The following ARHGAP10 variants were observed in gnomAD, a reference collection of about 807,000 sequenced individuals.
ARHGAP10 encodes Rho GTPase activating protein 10, also known as rho GTPase-activating protein 10.
ARHGAP10 carries 87 observed loss-of-function variants against 108.6 expected under a neutral mutation model. The observed-to-expected ratio is 0.80, with a 90% CI of 0.67 to 0.96. The LOEUF is 0.96. Ranked by LOEUF, ARHGAP10 falls within the 40% of genes least tolerant of loss-of-function variation. The pLI, the probability that ARHGAP10 is intolerant of heterozygous loss-of-function variation, is 0.00. For missense variants in ARHGAP10, 939 were observed against 954.5 expected (o/e 0.98, Z 0.21); for synonymous variants, 347 against 341.1 (o/e 1.02, Z -0.19).
intron 1 of ARHGAP10, among the ~76,000 whole-genome samples, chr4:147,813,553 C>G (rs17475814): frequency 0.05 from 7,632 of 152,280 alleles, 260 homozygotes; most frequent in Non-Finnish European, 0.081. Flanking sequence ...ACAGGCCTGC[C>G]AGGCAGTGAC....
chr4:147,840,379 C>T (rs1371253527), intron 3 of ARHGAP10, among the ~76,000 whole-genome samples: 1 of 152,088 alleles, frequency 6.6e-6, no homozygotes, highest in African/African-American at 2.4e-5. Flanking sequence ...ACTAAATGTT[C>T]TCTTCCTCCC....
chr4:147,970,150 C>T (rs981177058), intron 18 of ARHGAP10, among the ~76,000 whole-genome samples: 1 of 152,178 alleles, frequency 6.6e-6, no homozygotes, highest in Non-Finnish European at 1.5e-5. Context: ...ACTGCAGAGT[C>T]CAGGCTCTGC....
chr4:147,801,073 T>A (rs902853450), intron 1 of ARHGAP10, among the ~76,000 whole-genome samples: 1 of 152,264 alleles, frequency 6.6e-6, no homozygotes. Context: ...TTGAAAGTGC[T>A]GAGATAACAG....
chr4:147,763,155 A>C (rs1729656556), intron 1 of ARHGAP10, among the ~76,000 whole-genome samples: 1 of 152,182 alleles, frequency 6.6e-6, no homozygotes, highest in African/African-American at 2.4e-5. Context: ...TGAGAAACTT[A>C]AATACTAATG....
intron 1 of ARHGAP10, among the ~76,000 whole-genome samples, chr4:147,758,826 A>C (rs2126702273): frequency 6.6e-6 from 1 of 152,074 alleles, no homozygotes; most frequent in South Asian, 2.1e-4. Context: ...TAAAAATACA[A>C]AAATTAGTTG....
intron 3 of ARHGAP10, among the ~76,000 whole-genome samples, chr4:147,840,270 T>G (rs979546066): frequency 5.9e-5 from 9 of 152,090 alleles, no homozygotes; most frequent in African/African-American, 2.2e-4. Context: ...CTTCTACCCA[T>G]CAAACCTGGC....
chr4:147,859,687 A>G (rs550385093), intron 5 of ARHGAP10, among the ~76,000 whole-genome samples: 5 of 152,344 alleles, frequency 3.3e-5, no homozygotes, highest in African/African-American at 1.2e-4. Flanking sequence ...TCAGTGTTCT[A>G]TCTTCAGTTC....
rs1244826233 is a variant in ARHGAP10 at position 147,937,142 on chromosome 4, G to A, written c.1229-2683G>A. Among the ~76,000 whole-genome samples the A allele has an allele frequency of 3.9e-5, 6 of 152,154 alleles. No homozygotes were observed. In the East Asian group the frequency reaches 1.2e-3, roughly 29 times the overall value. ...TGGTGCCAAAAAGGTTGGGGATGGG[G>A]GCTGCTGAATAAACAATAGAAATCA... On this transcript the variant is annotated intron_variant, in intron 13 of 22. Coordinates refer to ENST00000336498, the MANE Select transcript of ARHGAP10 (RefSeq NM_024605.4).
intron 18 of ARHGAP10, among the ~76,000 whole-genome samples, chr4:147,969,896 G>C (rs1023038247): frequency 6.6e-6 from 1 of 152,154 alleles, no homozygotes; most frequent in Non-Finnish European, 1.5e-5. Flanking sequence ...GTGCTCTCAG[G>C]CTTTCTATTC....
chr4:147,946,789 C>G, intron 15 of ARHGAP10, 85 bp downstream of exon 15: 2 of 1,053,854 alleles, frequency 1.9e-6, no homozygotes, highest in Admixed American at 6.3e-5. Flanking sequence ...ACATAAATAT[C>G]AATAGTTAAA....
chr4:147,847,066 G>C (rs1733664434), intron 3 of ARHGAP10, 85 bp from the exon 4 acceptor site: 2 of 1,068,662 alleles, frequency 1.9e-6, no homozygotes, highest in African/African-American at 3.2e-5. Context: ...TTTCTGGGTG[G>C]GATGGAAGAG....
At chr4:147,799,603 T>C (rs1316134434) in intron 1 of ARHGAP10, among the ~76,000 whole-genome samples, 1 of 152,218 alleles carries the variant, frequency 6.6e-6, no homozygotes, top group East Asian at 1.9e-4. Context: ...CATCCTACTA[T>C]TGAGCATATC....
intron 1 of ARHGAP10, among the ~76,000 whole-genome samples, chr4:147,765,179 G>A (rs1729746526): frequency 6.6e-6 from 1 of 152,068 alleles, no homozygotes; most frequent in East Asian, 1.9e-4. Context: ...TTCTTGTTAG[G>A]CATAATTTAT....
At chr4:147,783,560 A>G (rs574662448) in intron 1 of ARHGAP10, among the ~76,000 whole-genome samples, 1 of 144,412 alleles carries the variant, frequency 6.9e-6, no homozygotes, top group Admixed American at 6.8e-5. Flanking sequence ...TAGAACACAC[A>G]TTAAATTGTG....
chr4:147,981,116 T>C (rs1739791709), intron 18 of ARHGAP10, among the ~76,000 whole-genome samples: 1 of 152,180 alleles, frequency 6.6e-6, no homozygotes, highest in African/African-American at 2.4e-5. Context: ...ACTTTGGGTT[T>C]AGTTCTTGTT....
At chr4:147,788,289 A>G (rs533515244) in intron 1 of ARHGAP10, among the ~76,000 whole-genome samples, 1 of 151,630 alleles carries the variant, frequency 6.6e-6, no homozygotes, top group African/African-American at 2.4e-5. Context: ...TATTAAAAAT[A>G]AAAAAAAATT....
At chr4:148,025,444 T>C (rs957925107) in intron 19 of ARHGAP10, among the ~76,000 whole-genome samples, 1 of 152,122 alleles carries the variant, frequency 6.6e-6, no homozygotes, top group Admixed American at 6.5e-5. Flanking sequence ...TTAGAGGTTA[T>C]ATGATAAGAT....
intron 3 of ARHGAP10, among the ~76,000 whole-genome samples, chr4:147,827,243 T>G: frequency 6.6e-6 from 1 of 152,138 alleles, no homozygotes; most frequent in East Asian, 1.9e-4. Flanking sequence ...CTTTGAATGC[T>G]TACTAAAACA....
In ARHGAP10 at chr4:148,063,275, A is replaced by G. The variant is rs1289470325; in HGVS notation, c.2155A>G (p.Thr719Ala). Residue 719 changes from threonine (T) to alanine (A), a missense_variant, in exon 21 of 23, where the codon ACT becomes GCT. Physicochemically the swap from Thr to Ala is moderately conservative, Grantham distance 58. Transcript: ENST00000336498. ...CCCTTTCCCCTTTTCTCCTCCTGCTACTGTAGCGGACAAGCCACCTGAAAG... is the reference window on the plus strand; with the variant it reads ...CCCTTTCCCCTTTTCTCCTCCTGCTGCTGTAGCGGACAAGCCACCTGAAAG... Reference protein sequence around the residue: ...SSPFPFSPPATVADKPPESIR... With the variant: ...SSPFPFSPPAAVADKPPESIR... 1.9e-6 allele frequency: 3 copies of G among 1,614,010 alleles called. No homozygotes were observed. The highest frequency in any genetic ancestry group is 1.7e-6 in the Non-Finnish European group (2 of 1,179,998).
Sources: allele counts gnomAD v4.1 joint callset (sites outside exome capture counted in the v4.1 genomes callset), GRCh38; gene constraint gnomAD v4.1.1; transcripts MANE v1.5; gene names NCBI Gene and HGNC (gene_info 2026-07-23, HGNC 2026-07-21).